Variants in CFHR3 observed in about 807,000 individuals in gnomAD.
The protein encoded by CFHR3 is complement factor H-related protein 3.
Under a neutral mutation model 36.0 loss-of-function variants are expected in CFHR3, and 22 were observed. That is an observed-to-expected ratio of 0.61 (90% confidence interval 0.44 to 0.87). CFHR3 has a LOEUF of 0.87. CFHR3 is among the 40% of genes least tolerant of loss of function. CFHR3 has a pLI of 0.00. For synonymous variants in CFHR3, 97 were observed against 137.4 expected, an observed-to-expected ratio of 0.71 and a Z score of 2.06; for missense variants, 276 against 401.3, an observed-to-expected ratio of 0.69 and a Z score of 2.67.
chr1:196,782,967 G>C (rs1358634946), intron 3 of CFHR3, among the ~76,000 whole-genome samples: 2 of 136,732 alleles, frequency 1.5e-5, no homozygotes, highest in South Asian at 5.1e-4. Context: ...GTTATTTTGA[G>C]ATATGTCCCA....
intron 5 of CFHR3, among the ~76,000 whole-genome samples, chr1:196,791,714 C>A (rs1238623016): frequency 7.6e-6 from 1 of 132,320 alleles, no homozygotes; most frequent in Admixed American, 7.3e-5. Flanking sequence ...AGTGGTAAGA[C>A]TGAAGAAGAA....
rs772850682 is a variant in CFHR3 at position 196,788,254 on chromosome 1, T to C, written c.469T>C (p.Phe157Leu). The change falls in exon 4 of 6, where the codon TTC (phenylalanine) becomes CTC (leucine). Residue 157 changes from phenylalanine to leucine, a missense_variant. Physicochemically the swap from Phe to Leu is conservative, Grantham distance 22 (BLOSUM62 0). Transcript: ENST00000367425. ...ATCAGATATAGAAATTGAAAATGGA[T>C]TCATTTCCGAATCTTCCTCTATTTA... ...SKSDIEIENGFISESSSIYIL... is the reference protein window; with the variant it reads ...SKSDIEIENGLISESSSIYIL... 2 of 1,356,942 alleles carry C rather than the reference T, an allele frequency of 1.5e-6. 1 individual carries two copies. The highest frequency in any genetic ancestry group is 2.0e-6 in the Non-Finnish European group (2 of 1,007,780). The allele number at this position is 1,356,942 out of a possible 1,614,324, so 84.1% of individuals were successfully genotyped here. A position where few individuals can be genotyped will look rare whatever the true frequency, so the allele number is the denominator to read the frequency against.
rs1260336907 is a variant in CFHR3, at chr1:196,779,157, G to A, written c.59-5G>A. 2 of 1,511,114 alleles carry A rather than the reference G, an allele frequency of 1.3e-6. 1 individual carries two copies. The highest frequency in any genetic ancestry group is 3.3e-5 in the African/African-American group (2 of 60,100). 93.6% of individuals were successfully genotyped at this position (1,511,114 alleles called of 1,614,324 possible). A position where few individuals can be genotyped will look rare whatever the true frequency, so the allele number is the denominator to read the frequency against. The stretch of plus-strand genomic sequence containing the variant: ...TATACTTTTTTGTTTGTTTTTTATT[G>A]CAAGTGAAACCTTGTGATTTTCCAG... On this transcript the variant is annotated splice_polypyrimidine_tract_variant and splice_region_variant and intron_variant, in intron 1 of 5. Coordinates refer to ENST00000367425, the MANE Select transcript of CFHR3 (RefSeq NM_021023.6).
Position 196,781,110 on chromosome 1 carries a change from G to A in CFHR3, c.430+1137G>A, listed in dbSNP as rs1400890595. ...AATGGTGATTTCCAGTTTCATCCAT[G>A]TCCCTACAAAGAACATGAACTCATC... On this transcript the variant is annotated intron_variant, in intron 3 of 5. Coordinates refer to ENST00000367425, the MANE Select transcript of CFHR3 (RefSeq NM_021023.6). Among the ~76,000 whole-genome samples, 2 of 133,998 alleles carry A rather than the reference G, an allele frequency of 1.5e-5. 1 individual carries two copies. Among genetic ancestry groups the A allele is most frequent in the Non-Finnish European group, 3.1e-5 (2 of 63,788 alleles). The allele number at this position is 133,998 out of a possible 152,430, so 87.9% of individuals were successfully genotyped here.
At position 196,775,651 on chromosome 1, in the gene CFHR3, T is replaced by C. The variant is rs1431414388; in HGVS notation, c.58+707T>C. Among the ~76,000 whole-genome samples, 4 of 137,396 alleles carry C rather than the reference T, an allele frequency of 2.9e-5. 2 individuals are homozygous for C. Among genetic ancestry groups the C allele is most frequent in the Non-Finnish European group, 6.2e-5 (4 of 64,554 alleles). The allele number at this position is 137,396 out of a possible 152,430, so 90.1% of individuals were successfully genotyped here. A position where few individuals can be genotyped will look rare whatever the true frequency, so the allele number is the denominator to read the frequency against. On this transcript the variant is annotated intron_variant, in intron 1 of 5. Coordinates refer to ENST00000367425, the MANE Select transcript of CFHR3 (RefSeq NM_021023.6). ...CACTGATTTCTCCTAGATAGTCATATATTTTCTGTATTAATTATCTTTTTG... is the reference window on the plus strand; with the variant it reads ...CACTGATTTCTCCTAGATAGTCATACATTTTCTGTATTAATTATCTTTTTG...
chr1:196,793,001 C>T (rs1654473193), intron 5 of CFHR3, among the ~76,000 whole-genome samples: 1 of 134,720 alleles, frequency 7.4e-6, no homozygotes, highest in Non-Finnish European at 1.6e-5. Flanking sequence ...AACATGTTAG[C>T]ATAATCCTTT....
rs1311615566 is a variant in CFHR3, at chr1:196,786,019, C to A, written c.431-2197C>A. 6.6e-5 allele frequency among the ~76,000 whole-genome samples: 9 copies of A among 135,918 alleles called. 2 individuals carry two copies. The highest frequency in any genetic ancestry group is 2.8e-4 in the African/African-American group (9 of 32,134). 89.2% of individuals were successfully genotyped at this position (135,918 alleles called of 152,430 possible). ...TTCTGTTTGTTAGTTTTCCTTCTAACAGACAGGACCCTCAGCTGCAGGTCT... is the reference window on the plus strand; with the variant it reads ...TTCTGTTTGTTAGTTTTCCTTCTAAAAGACAGGACCCTCAGCTGCAGGTCT... On this transcript the variant is annotated intron_variant, in intron 3 of 5. Coordinates refer to ENST00000367425, the MANE Select transcript of CFHR3 (RefSeq NM_021023.6).
chr1:196,780,302 T>C (rs1653893734), intron 3 of CFHR3, among the ~76,000 whole-genome samples: 1 of 137,374 alleles, frequency 7.3e-6, no homozygotes, highest in South Asian at 2.5e-4. Context: ...ACCAAGAAGA[T>C]TAAGTACAAA....
rs1558205567 is a variant in CFHR3, at chr1:196,794,530, G to C, written c.*1017G>C. The C allele has an allele frequency of 7.7e-6, 3 of 388,812 alleles. No homozygotes were observed. Among genetic ancestry groups the C allele is most frequent in the Non-Finnish European group, 1.5e-5 (3 of 200,312 alleles). 24.1% of individuals were successfully genotyped at this position (388,812 alleles called of 1,614,324 possible). A position where few individuals can be genotyped will look rare whatever the true frequency, so the allele number is the denominator to read the frequency against. ...ATAATTCTTTTTCTGATTTATTTAA[G>C]GCTACATTTGTATTTTCTTAATACA... On this transcript the variant is annotated 3_prime_UTR_variant, in exon 6 of 6. Transcript: ENST00000367425.
intron 3 of CFHR3, 89 bp downstream of exon 3, chr1:196,780,062 C>A: frequency 6.8e-7 from 1 of 1,464,056 alleles, no homozygotes; most frequent in Non-Finnish European, 9.3e-7. Flanking sequence ...TTAACTGTGG[C>A]AAAATGTTTT....
chr1:196,777,623 G>A (rs1363990134), intron 1 of CFHR3, among the ~76,000 whole-genome samples: 1 of 136,914 alleles, frequency 7.3e-6, no homozygotes, highest in East Asian at 2.0e-4. Context: ...TTTAGTGGGA[G>A]AAACGATTTT....
intron 3 of CFHR3, among the ~76,000 whole-genome samples, chr1:196,784,226 T>G (rs1409575131): frequency 7.3e-6 from 1 of 136,464 alleles, no homozygotes; most frequent in African/African-American, 3.1e-5. Flanking sequence ...CTTCCAACTA[T>G]GTGGTCAATT....
At position 196,793,602 on chromosome 1, in the gene CFHR3, A is replaced by C. The variant is rs1654499724; in HGVS notation, c.*89A>C. On this transcript the variant is annotated 3_prime_UTR_variant, in exon 6 of 6. Transcript: ENST00000367425. ...TCAAAGCTTGCAAAGATAGCTTCTGATATTGTTGTAATTTCTACTTTATTT... is the reference window on the plus strand; with the variant it reads ...TCAAAGCTTGCAAAGATAGCTTCTGCTATTGTTGTAATTTCTACTTTATTT... 7.4e-6 allele frequency: 9 copies of C among 1,216,160 alleles called. No homozygotes were observed. The highest frequency in any genetic ancestry group is 1.0e-5 in the Non-Finnish European group (9 of 867,612). 75.3% of individuals were successfully genotyped at this position (1,216,160 alleles called of 1,614,324 possible).
rs1654545734 is a variant in CFHR3 at position 196,795,272 on chromosome 1, T to C, written c.*1759T>C. The C allele has an allele frequency of 7.3e-6, 1 of 136,190 alleles. No homozygotes were observed. The highest frequency in any genetic ancestry group is 1.6e-5 in the Non-Finnish European group (1 of 64,424). 8.4% of individuals were successfully genotyped at this position (136,190 alleles called of 1,614,324 possible). ...GATCTAATGGTTTTATAAATGAAAG[T>C]TCCCCTGGACAAGTTCTCTTGCCTG... On this transcript the variant is annotated 3_prime_UTR_variant, in exon 6 of 6. Coordinates refer to ENST00000367425, the MANE Select transcript of CFHR3 (RefSeq NM_021023.6).
At chr1:196,778,471 G>T (rs1458471324) in intron 1 of CFHR3, among the ~76,000 whole-genome samples, 1 of 136,226 alleles carries the variant, frequency 7.3e-6, no homozygotes, top group Admixed American at 7.1e-5. Context: ...TAAATTATAT[G>T]CTATTTAAAT....
chr1:196,780,596 T>A (rs1267773948), intron 3 of CFHR3, among the ~76,000 whole-genome samples: 1 of 136,750 alleles, frequency 7.3e-6, no homozygotes, highest in Non-Finnish European at 1.6e-5. Context: ...CTTTTATTTA[T>A]CTTTTTGGGA....
chr1:196,788,433 C>T lies in CFHR3; in HGVS notation c.613+35C>T. 2 of 1,518,474 alleles carry T rather than the reference C, an allele frequency of 1.3e-6. 1 individual carries two copies. Among genetic ancestry groups the T allele is most frequent in the Middle Eastern group, 3.8e-4 (2 of 5,318 alleles). 94.1% of individuals were successfully genotyped at this position (1,518,474 alleles called of 1,614,324 possible). Reference sequence around the variant, plus strand: ...TTACATATTCCCATTCAGTTTCTGTCAACTTCGTTCCTCTCTTTGAGATGA... The same window carrying T: ...TTACATATTCCCATTCAGTTTCTGTTAACTTCGTTCCTCTCTTTGAGATGA... On this transcript the variant is annotated intron_variant, in intron 4 of 5. Transcript: ENST00000367425.
rs1405498087 is a variant in CFHR3 at position 196,784,781 on chromosome 1, T to C, written c.431-3435T>C. On this transcript the variant is annotated intron_variant, in intron 3 of 5. Coordinates refer to ENST00000367425, the MANE Select transcript of CFHR3 (RefSeq NM_021023.6). ...CAATTTGCCAGTCTGTGTCTTTTAA[T>C]TGGAGCATTTAGTCCATTTACATTT... 1.2e-3 allele frequency among the ~76,000 whole-genome samples: 162 copies of C among 136,070 alleles called. 36 individuals are homozygous for C. Among genetic ancestry groups the C allele is most frequent in the African/African-American group, 4.9e-3 (157 of 32,338 alleles). The allele number at this position is 136,070 out of a possible 152,430, so 89.3% of individuals were successfully genotyped here.
At position 196,788,400 on chromosome 1, in the gene CFHR3, T is replaced by G. The variant is rs138839071; in HGVS notation, c.613+2T>G. 1.5e-5 allele frequency: 23 copies of G among 1,528,270 alleles called. 5 individuals carry two copies. Among genetic ancestry groups the G allele is most frequent in the Non-Finnish European group, 1.9e-5 (22 of 1,131,604 alleles). The allele number at this position is 1,528,270 out of a possible 1,614,324, so 94.7% of individuals were successfully genotyped here. Reference sequence around the variant, plus strand: ...GGTCAGCACAACCAATTTGCATTAGTAAGTGATTTACATATTCCCATTCAG... The same window carrying G: ...GGTCAGCACAACCAATTTGCATTAGGAAGTGATTTACATATTCCCATTCAG... On this transcript the variant is annotated splice_donor_variant, in intron 4 of 5. Transcript: ENST00000367425. LOFTEE classifies it high-confidence loss of function.
Sources: gnomAD v4.1 joint callset for allele counts (sites outside exome capture counted in the v4.1 genomes callset) on GRCh38, gnomAD v4.1.1 for gene constraint, MANE v1.5 for transcripts, NCBI Gene and HGNC (gene_info 2026-07-23, HGNC 2026-07-21) for gene names.